Variants in CD163L1 observed in about 807,000 individuals in gnomAD.
The protein encoded by CD163L1 is scavenger receptor cysteine-rich type 1 protein M160.
In CD163L1, 124 loss-of-function variants were observed where a neutral mutation model predicts 165.4. The observed-to-expected ratio is 0.75, with a 90% CI of 0.65 to 0.87. The LOEUF (loss-of-function observed/expected upper bound fraction) is 0.87. Ranked by LOEUF, CD163L1 falls within the 40% of genes least tolerant of loss-of-function variation. The probability of loss-of-function intolerance (pLI) is 0.00; values close to 1 mark genes in which losing one functional copy is unlikely to be tolerated. For synonymous variants in CD163L1, 585 were observed against 662.2 expected (o/e 0.88, Z 1.79); for missense variants, 1,525 against 1,799.9 (o/e 0.85, Z 2.76).
At chr12:7,327,509 GA>G in the CD163L1 span, among the ~76,000 whole-genome samples, 1 of 152,134 alleles carries the variant, frequency 6.6e-6, no homozygotes, top group African/African-American at 2.4e-5. Flanking sequence ...GTGTTCAGAA[GA>G]AGATGATATC....
intron 8 of CD163L1, among the ~76,000 whole-genome samples, chr12:7,384,802 T>C (rs1349469733): frequency 2.0e-5 from 3 of 151,964 alleles, no homozygotes; most frequent in Non-Finnish European, 2.9e-5. Context: ...TAAGGAAATC[T>C]ATATCTGGAA....
intron 14 of CD163L1, among the ~76,000 whole-genome samples, chr12:7,370,905 G>C (rs922577673): frequency 6.6e-5 from 10 of 152,286 alleles, no homozygotes; most frequent in African/African-American, 2.4e-4. Context: ...TGGTTTGGCT[G>C]TATCCCCACC....
At chr12:7,430,643 T>C (rs779888803) in intron 4 of CD163L1, among the ~76,000 whole-genome samples, 2 of 152,148 alleles carry the variant, frequency 1.3e-5, no homozygotes, top group Non-Finnish European at 2.9e-5. Flanking sequence ...ACTAAAATGT[T>C]ATTAACACAT....
At chr12:7,333,521 GC>G in the CD163L1 span, among the ~76,000 whole-genome samples, 9 of 152,146 alleles carry the variant, frequency 5.9e-5, no homozygotes, top group Non-Finnish European at 1.0e-4. Context: ...AGCACTAAAT[GC>G]CCACAAGAGA....
the CD163L1 span, chr12:7,324,669 G>C: frequency 6.6e-7 from 1 of 1,507,730 alleles, no homozygotes; most frequent in Non-Finnish European, 9.2e-7. Flanking sequence ...CACTGTAAAG[G>C]CTGAACCAAG....
chr12:7,401,664 T>C (rs1172106957), intron 6 of CD163L1, among the ~76,000 whole-genome samples: 1 of 152,100 alleles, frequency 6.6e-6, no homozygotes, highest in Non-Finnish European at 1.5e-5. Flanking sequence ...AACATTAAGA[T>C]AGATTAGTAA....
intron 4 of CD163L1, among the ~76,000 whole-genome samples, chr12:7,418,459 G>C (rs1256946014): frequency 1.1e-4 from 17 of 151,788 alleles, no homozygotes; most frequent in Admixed American, 1.1e-3. Context: ...GACAATCTAA[G>C]GGCACACCTA....
chr12:7,389,960 T>A (rs201201091), intron 8 of CD163L1, among the ~76,000 whole-genome samples: 40 of 135,938 alleles, frequency 2.9e-4, no homozygotes, highest in African/African-American at 3.9e-4. Context: ...ATATATATAT[T>A]TATATATATA....
At chr12:7,435,125 A>T (rs1301829936) in intron 2 of CD163L1, among the ~76,000 whole-genome samples, 1 of 152,074 alleles carries the variant, frequency 6.6e-6, no homozygotes, top group African/African-American at 2.4e-5. Context: ...AATATGATTG[A>T]TATTTGCCAT....
chr12:7,442,198 G>A (rs763417705), intron 1 of CD163L1, among the ~76,000 whole-genome samples: 5 of 152,272 alleles, frequency 3.3e-5, no homozygotes, highest in Admixed American at 2.6e-4. Flanking sequence ...GTAACTGTTA[G>A]AGAACTATCT....
intron 18 of CD163L1, among the ~76,000 whole-genome samples, chr12:7,365,724 C>G (rs1281547656): frequency 1.3e-5 from 2 of 152,042 alleles, no homozygotes; most frequent in Non-Finnish European, 2.9e-5. Context: ...CATCATACCT[C>G]AGGCAGAATG....
At chr12:7,373,047 TTA>T (rs1211900393) in intron 14 of CD163L1, among the ~76,000 whole-genome samples, 5 of 152,254 alleles carry the variant, frequency 3.3e-5, no homozygotes, top group African/African-American at 1.2e-4. Flanking sequence ...CTGTAATTTT[TTA>T]TGTGTTGTTA....
Position 7,374,929 on chromosome 12 carries a change from G to T in CD163L1, c.3002-6C>A, listed in dbSNP as rs199965328. The stretch of plus-strand genomic sequence containing the variant: ...CAGTGGCTGGGTCAGGCTTCCTGGT[G>T]GAGGGTGCAGGAAATGGGGCAAAAG... On this transcript the variant is annotated splice_region_variant and splice_polypyrimidine_tract_variant and intron_variant, in intron 11 of 19. Coordinates refer to ENST00000313599, the MANE Select transcript of CD163L1 (RefSeq NM_174941.6). This position sits in a 1 kb window ranked among gnomAD's most constrained non-coding sequence, Gnocchi z 5.4. 5.0e-5 allele frequency: 80 copies of T among 1,613,914 alleles called. No homozygotes were observed. In the East Asian group the frequency reaches 1.6e-3, roughly 31 times the overall value.
intron 14 of CD163L1, among the ~76,000 whole-genome samples, chr12:7,370,736 C>T (rs1007365873): frequency 3.9e-5 from 6 of 152,154 alleles, no homozygotes; most frequent in Non-Finnish European, 8.8e-5. Flanking sequence ...CATAGCCAAA[C>T]ATCTTGAGTT....
intron 4 of CD163L1, among the ~76,000 whole-genome samples, chr12:7,413,735 G>A (rs150069790): frequency 6.4e-4 from 97 of 152,318 alleles, no homozygotes; most frequent in Middle Eastern, 3.4e-3. Context: ...GATGTCAGCA[G>A]CTGACTTGAT....
In CD163L1 at chr12:7,372,899, A is replaced by G. The variant is rs1947173725; in HGVS notation, c.3730+421T>C. On this transcript the variant is annotated intron_variant, in intron 14 of 19. Transcript: ENST00000313599. The surrounding 1 kb of genome is among the most constrained non-coding windows in gnomAD (Gnocchi z 4.2). ...CAAGTGTCTTATAAATAATCAACTA[A>G]CTTCCCATAGTAAAATGTTCTGCAG... 6.6e-6 allele frequency among the ~76,000 whole-genome samples: 1 copy of G among 152,138 alleles called. No homozygotes were observed. Among genetic ancestry groups the G allele is most frequent in the South Asian group, 2.1e-4 (1 of 4,820 alleles).
At chr12:7,385,744 G>A (rs764282194) in intron 8 of CD163L1, among the ~76,000 whole-genome samples, 95 of 151,848 alleles carry the variant, frequency 6.3e-4, no homozygotes, top group Non-Finnish European at 1.2e-3. Context: ...AATTAAACAT[G>A]TTCCTGAATG....
chr12:7,331,597 C>T, the CD163L1 span, among the ~76,000 whole-genome samples: 5 of 152,302 alleles, frequency 3.3e-5, no homozygotes, highest in East Asian at 1.9e-4. Flanking sequence ...TCCAGAGGAA[C>T]GATCAGGCAG....
chr12:7,443,957 CTTTCAAT>C, intron 1 of CD163L1, 133 bp downstream of exon 1: 1 of 787,632 alleles, frequency 1.3e-6, no homozygotes, highest in Admixed American at 3.1e-5. Context: ...TTCCACAAAA[CTTTCAAT>C]TTTTTTATAT....
Sources: allele counts gnomAD v4.1 joint callset (sites outside exome capture counted in the v4.1 genomes callset), GRCh38; gene constraint gnomAD v4.1.1; non-coding constraint Gnocchi (gnomAD v3.1); transcripts MANE v1.5; gene names NCBI Gene and HGNC (gene_info 2026-07-23, HGNC 2026-07-21).